The following BIRC6 variants were observed in gnomAD, a reference collection of about 807,000 sequenced individuals.
BIRC6 encodes baculoviral IAP repeat containing 6, also known as dual E2 ubiquitin-conjugating enzyme/E3 ubiquitin-protein ligase BIRC6.
In BIRC6, 98 loss-of-function variants were observed where a neutral mutation model predicts 503.3. The ratio of observed to expected loss-of-function variants is 0.19; its 90% confidence interval spans 0.17 to 0.23. BIRC6 has a LOEUF of 0.23. BIRC6 is among the 10% of genes least tolerant of loss of function. The probability of loss-of-function intolerance (pLI) is 1.00; values close to 1 mark genes in which losing one functional copy is unlikely to be tolerated. For missense variants in BIRC6, 5,360 were observed against 5,806.0 expected (o/e 0.92, Z 2.50); for synonymous variants, 2,240 against 2,078.7 (o/e 1.08, Z -2.11).
chr2:32,368,537 C>T (rs933918175), intron 1 of BIRC6, among the ~76,000 whole-genome samples: 33 of 151,878 alleles, frequency 2.2e-4, no homozygotes, highest in African/African-American at 8.0e-4. Context: ...GAGACTTTGT[C>T]CCCCACACCA....
Position 32,435,549 on chromosome 2 carries a change from G to A in BIRC6, c.3463G>A (p.Glu1155Lys). The change falls in exon 14 of 74, where the codon GAA becomes AAA. Residue 1155 changes from glutamate (E) to lysine (K), a missense_variant. By Grantham distance (56) the Glu-to-Lys change is moderately conservative. Around this residue, in one of 16 missense-constraint regions of BIRC6, gnomAD observed 2,299 missense variants for 2,267.2 expected, o/e 1.01. Coordinates refer to ENST00000421745, the MANE Select transcript of BIRC6 (RefSeq NM_016252.4). ...NGKPSLVDLN[E>K]EMQHMDVEES... ...GAAACCGTCCCTGGTTGATTTGAAT[G>A]AAGAAATGCAGCACATGGATGTAGA... 1.3e-6 allele frequency: 2 copies of A among 1,555,362 alleles called. No homozygotes were observed. Among genetic ancestry groups the A allele is most frequent in the South Asian group, 1.2e-5 (1 of 84,246 alleles).
chr2:32,500,409 A>G (rs1178773448), intron 46 of BIRC6, among the ~76,000 whole-genome samples: 1 of 141,728 alleles, frequency 7.1e-6, no homozygotes, highest in African/African-American at 2.6e-5. Flanking sequence ...GCCTGCCACC[A>G]CACCCAGCTA....
intron 6 of BIRC6, among the ~76,000 whole-genome samples, chr2:32,398,452 G>A (rs2040220616): frequency 6.6e-6 from 1 of 152,118 alleles, no homozygotes; most frequent in Non-Finnish European, 1.5e-5. Context: ...TAATAGAATG[G>A]TAGATGATTG....
At chr2:32,517,647 AGCCGTG>A (rs1161783614) in intron 55 of BIRC6, among the ~76,000 whole-genome samples, 1 of 152,106 alleles carries the variant, frequency 6.6e-6, no homozygotes, top group Non-Finnish European at 1.5e-5. Context: ...ACAATCAGTG[AGCCGTG>A]GCTCACTGAA....
chr2:32,426,266 T>G (rs1309836995), intron 10 of BIRC6, among the ~76,000 whole-genome samples: 1 of 152,228 alleles, frequency 6.6e-6, no homozygotes, highest in African/African-American at 2.4e-5. Flanking sequence ...AACTTTGCTC[T>G]TGTCTCTCCC....
intron 65 of BIRC6, among the ~76,000 whole-genome samples, chr2:32,559,782 A>C (rs1347167385): frequency 1.3e-5 from 2 of 151,962 alleles, no homozygotes; most frequent in Non-Finnish European, 2.9e-5. Context: ...GCACTTTGGG[A>C]GGCCAAGGCC....
At chr2:32,517,356 C>G (rs768249367) in intron 55 of BIRC6, among the ~76,000 whole-genome samples, 8 of 152,000 alleles carry the variant, frequency 5.3e-5, no homozygotes, top group Non-Finnish European at 1.2e-4. Context: ...AAAACCTAAA[C>G]AAAACAGAGG....
At chr2:32,508,777 G>C (rs1219097793) in intron 51 of BIRC6, among the ~76,000 whole-genome samples, 1 of 152,034 alleles carries the variant, frequency 6.6e-6, no homozygotes, top group African/African-American at 2.4e-5. Context: ...TTTATTGAAA[G>C]TTCTGCCTGA....
intron 6 of BIRC6, among the ~76,000 whole-genome samples, chr2:32,399,393 T>C (rs1293610108): frequency 6.6e-6 from 1 of 152,186 alleles, no homozygotes; most frequent in East Asian, 1.9e-4. Context: ...GCCTATTTTA[T>C]TTTTTAGATA....
chr2:32,362,318 G>GTTT (rs766604562), intron 1 of BIRC6, among the ~76,000 whole-genome samples: 1 of 137,478 alleles, frequency 7.3e-6, no homozygotes, highest in Non-Finnish European at 1.6e-5. Flanking sequence ...TGCTGACTTT[G>GTTT]TTTTTTTTTT....
intron 42 of BIRC6, 113 bp downstream of exon 42, chr2:32,488,827 G>A: frequency 1.4e-6 from 1 of 716,706 alleles, no homozygotes; most frequent in Non-Finnish European, 2.1e-6. Context: ...TTCTAGTGGG[G>A]AAAAAACAGA....
At position 32,464,933 on chromosome 2, in the gene BIRC6, T is replaced by A; in HGVS notation, c.5256+110T>A. On this transcript the variant is annotated intron_variant, in intron 25 of 73. Transcript: ENST00000421745. ...ATACCAACTAGATGTATCAAGTTAT[T>A]TTCTTTTATAAAATATTACAGTACA... The A allele has an allele frequency of 3.5e-6, 5 of 1,409,838 alleles. No homozygotes were observed. In the East Asian group the frequency reaches 1.2e-4, roughly 34 times the overall value. 87.3% of individuals were successfully genotyped at this position (1,409,838 alleles called of 1,614,324 possible).
intron 3 of BIRC6, 109 bp downstream of exon 3, chr2:32,380,399 T>G: frequency 7.3e-7 from 1 of 1,369,580 alleles, no homozygotes; most frequent in East Asian, 2.6e-5. Context: ...TCTAGATTTT[T>G]CTTTTAAAAA....
intron 66 of BIRC6, among the ~76,000 whole-genome samples, chr2:32,579,047 A>AAT (rs546725444): frequency 0.018 from 2,478 of 137,372 alleles, 36 homozygotes; most frequent in African/African-American, 0.041. Context: ...ATGTATACCT[A>AAT]ATATATATAT....
At chr2:32,504,878 C>A (rs747394306) in intron 49 of BIRC6, 127 bp from the exon 50 acceptor site, 1 of 817,628 alleles carries the variant, frequency 1.2e-6, no homozygotes, top group Non-Finnish European at 1.9e-6. Flanking sequence ...ATACTAAGTG[C>A]ATTACCAGCA....
rs973211173 is a variant in BIRC6, at chr2:32,518,716, A to C, written c.11494-101A>C. On this transcript the variant is annotated intron_variant, in intron 56 of 73. Coordinates refer to ENST00000421745, the MANE Select transcript of BIRC6 (RefSeq NM_016252.4). ...ATCTAAATTAATTATATCTTGTAGG[A>C]TTTATTGAGTATTTTATTCTTAGAT... The C allele has an allele frequency of 9.0e-6, 12 of 1,327,240 alleles. No individual in the cohort carries two copies. In the African/African-American group the frequency reaches 1.6e-4, roughly 18 times the overall value. 82.2% of individuals were successfully genotyped at this position (1,327,240 alleles called of 1,614,324 possible). A position where few individuals can be genotyped will look rare whatever the true frequency, so the allele number is the denominator to read the frequency against.
intron 10 of BIRC6, among the ~76,000 whole-genome samples, chr2:32,424,575 C>T (rs1271050456): frequency 2.0e-5 from 3 of 151,164 alleles, no homozygotes; most frequent in Admixed American, 6.6e-5. Flanking sequence ...AGTGCACTGA[C>T]GCGATCTCGG....
chr2:32,364,891 C>G (rs2034665989), intron 1 of BIRC6, among the ~76,000 whole-genome samples: 1 of 151,836 alleles, frequency 6.6e-6, no homozygotes, highest in African/African-American at 2.4e-5. Context: ...AATGTGCAGT[C>G]TCCCAGTGAT....
chr2:32,587,704 A>T (rs2061141297), intron 66 of BIRC6, among the ~76,000 whole-genome samples: 1 of 152,246 alleles, frequency 6.6e-6, no homozygotes, highest in Non-Finnish European at 1.5e-5. Flanking sequence ...ATCCTGTGCG[A>T]CAGAGCGAGA....
Sources: allele counts gnomAD v4.1 joint callset (sites outside exome capture counted in the v4.1 genomes callset), GRCh38; gene constraint gnomAD v4.1.1; regional missense constraint gnomAD v4.1.1; transcripts MANE v1.5; gene names NCBI Gene and HGNC (gene_info 2026-07-23, HGNC 2026-07-21).